The following ATP2B2 variants were observed in gnomAD, a reference collection of about 807,000 sequenced individuals.
ATP2B2 encodes the protein plasma membrane calcium-transporting ATPase 2.
In ATP2B2, 15 loss-of-function variants were observed where a neutral mutation model predicts 120.0. That is an observed-to-expected ratio of 0.12 (90% confidence interval 0.08 to 0.19). ATP2B2 has a LOEUF of 0.19. ATP2B2 is among the 10% of genes least tolerant of loss of function. The pLI is 1.00. For missense variants in ATP2B2, 1,045 were observed against 1,719.8 expected, an observed-to-expected ratio of 0.61 and a Z score of 6.94; for synonymous variants, 694 against 700.3, an observed-to-expected ratio of 0.99 and a Z score of 0.14.
At position 10,328,254 on chromosome 3, in the gene ATP2B2, A is replaced by T. The variant is rs2059895219; in HGVS notation, c.*560T>A. 6.5e-6 allele frequency: 1 copy of T among 154,114 alleles called. No homozygotes were observed. The highest frequency in any genetic ancestry group is 2.4e-5 in the African/African-American group (1 of 41,546). 9.5% of individuals were successfully genotyped at this position (154,114 alleles called of 1,614,324 possible). On this transcript the variant is annotated 3_prime_UTR_variant, in exon 23 of 23. Transcript: ENST00000360273. Reference sequence around the variant, plus strand: ...GAAGTTCTTCGGTTCCATTGGTGCAAATCTACTAGGCGAGTTAAGCTCTGC... The same window carrying T: ...GAAGTTCTTCGGTTCCATTGGTGCATATCTACTAGGCGAGTTAAGCTCTGC...
At position 10,387,226 on chromosome 3, in the gene ATP2B2, T is replaced by C. The variant is rs150408843; in HGVS notation, c.908-714A>G. ...CTTTACTCTCTCCAGCCTTCTAATT[T>C]CCCAGAACACAGCTCAGCCCCATTG... On this transcript the variant is annotated intron_variant, in intron 6 of 22. Coordinates refer to ENST00000360273, the MANE Select transcript of ATP2B2 (RefSeq NM_001001331.4). Among the ~76,000 whole-genome samples the C allele has an allele frequency of 8.0e-3, 1,217 of 152,330 alleles. 10 individuals carry two copies. Among genetic ancestry groups the C allele is most frequent in the Non-Finnish European group, 0.011 (743 of 68,024 alleles).
At chr3:10,475,141 T>C (rs1238717866) in intron 1 of ATP2B2, among the ~76,000 whole-genome samples, 1 of 152,154 alleles carries the variant, frequency 6.6e-6, no homozygotes, top group African/African-American at 2.4e-5. Flanking sequence ...CACTGAACAT[T>C]TGCTGAGCCT....
rs548238495 is a variant in ATP2B2 at position 10,448,147 on chromosome 3, T to C, written c.199+1198A>G. On this transcript the variant is annotated intron_variant, in intron 2 of 22. Transcript: ENST00000360273. The stretch of plus-strand genomic sequence containing the variant: ...ACTGGACAGAGGAGACAGGCTCCTT[T>C]TCTGTCATGAAGGATAACAGTTCAG... 4.6e-5 allele frequency among the ~76,000 whole-genome samples: 7 copies of C among 152,298 alleles called. No individual in the cohort carries two copies. In the South Asian group the frequency reaches 1.4e-3, roughly 32 times the overall value.
rs2063966749 is a variant in ATP2B2, at chr3:10,449,705, G to C, written c.-162C>G. On this transcript the variant is annotated 5_prime_UTR_variant, in exon 2 of 23. Coordinates refer to ENST00000360273, the MANE Select transcript of ATP2B2 (RefSeq NM_001001331.4). ...CGGGGGGTGGGGGTGGCCGAGGCGG[G>C]CTGGTGACAGTGGTGGTGAGCTCCA... 7.6e-6 allele frequency: 6 copies of C among 794,222 alleles called. No homozygotes were observed. The highest frequency in any genetic ancestry group is 8.5e-6 in the Non-Finnish European group (4 of 470,444). 49.2% of individuals were successfully genotyped at this position (794,222 alleles called of 1,614,324 possible).
At chr3:10,453,022 T>C (rs1333181762) in intron 1 of ATP2B2, among the ~76,000 whole-genome samples, 1 of 152,222 alleles carries the variant, frequency 6.6e-6, no homozygotes, top group African/African-American at 2.4e-5. Context: ...GGGCTACTGA[T>C]ATATAACATT....
chr3:10,625,804 T>C (rs1025413703), intron 1 of ATP2B2, among the ~76,000 whole-genome samples: 4 of 152,202 alleles, frequency 2.6e-5, no homozygotes, highest in African/African-American at 9.7e-5. Context: ...AGTCTGAGTT[T>C]AGTGCGCGTA....
chr3:10,646,657 C>T (rs184379296), intron 1 of ATP2B2, among the ~76,000 whole-genome samples: 1 of 152,264 alleles, frequency 6.6e-6, no homozygotes. Context: ...ATGACACTTG[C>T]TGACTACAGC....
chr3:10,561,991 A>G (rs977125372), intron 2 of ATP2B2, among the ~76,000 whole-genome samples: 26 of 152,202 alleles, frequency 1.7e-4, no homozygotes, highest in African/African-American at 6.3e-4. Context: ...GAAGAAGACC[A>G]CCCAGCATCT....
At chr3:10,377,698 C>A (rs962551359) in intron 10 of ATP2B2, among the ~76,000 whole-genome samples, 1 of 152,230 alleles carries the variant, frequency 6.6e-6, no homozygotes, top group Non-Finnish European at 1.5e-5. Flanking sequence ...TCAGTTTTTC[C>A]TCTGCACTGT....
chr3:10,396,316 T>C (rs1377884314), intron 5 of ATP2B2, among the ~76,000 whole-genome samples: 1 of 152,234 alleles, frequency 6.6e-6, no homozygotes, highest in Non-Finnish European at 1.5e-5. Context: ...AGCTTCCCCA[T>C]TGCACTGACA....
intron 2 of ATP2B2, among the ~76,000 whole-genome samples, chr3:10,595,505 ACCC>A (rs2068745048): frequency 6.6e-6 from 1 of 152,214 alleles, no homozygotes; most frequent in South Asian, 2.1e-4. Context: ...ATAAACTATT[ACCC>A]TCACGGTGCA....
chr3:10,385,400 C>G, intron 7 of ATP2B2, 73 bp from the exon 8 acceptor site: 2 of 1,339,768 alleles, frequency 1.5e-6, no homozygotes, highest in Non-Finnish European at 2.1e-6. Flanking sequence ...AGACATGAAC[C>G]AACTTGTGGG....
At chr3:10,556,139 A>T (rs2067773612) in intron 2 of ATP2B2, among the ~76,000 whole-genome samples, 1 of 152,144 alleles carries the variant, frequency 6.6e-6, no homozygotes, top group Non-Finnish European at 1.5e-5. Flanking sequence ...ACCTGAAGTG[A>T]TCTGCCCTCC....
chr3:10,566,473 T>C, intron 2 of ATP2B2: 1 of 152,178 alleles, frequency 6.6e-6, no homozygotes, highest in Non-Finnish European at 1.5e-5. Flanking sequence ...ATGCCCCAAC[T>C]GTAATAAAGA....
chr3:10,477,298 G>A (rs921503486), intron 1 of ATP2B2, among the ~76,000 whole-genome samples: 3 of 152,144 alleles, frequency 2.0e-5, no homozygotes, highest in Admixed American at 1.3e-4. Flanking sequence ...TTCTGCGTTC[G>A]CTCTGGAAGT....
chr3:10,363,113 A>G (rs753886517), intron 12 of ATP2B2, among the ~76,000 whole-genome samples: 37 of 152,232 alleles, frequency 2.4e-4, no homozygotes, highest in Non-Finnish European at 4.7e-4. Flanking sequence ...ATTTTCCTCT[A>G]AAAGGATTTC....
At chr3:10,412,116 C>A (rs1167866720) in intron 2 of ATP2B2, among the ~76,000 whole-genome samples, 2 of 152,246 alleles carry the variant, frequency 1.3e-5, no homozygotes, top group Non-Finnish European at 2.9e-5. Context: ...CAGAGCCAGG[C>A]CAGCACTTTG....
chr3:10,639,046 G>A lies in ATP2B2; in HGVS notation c.-459-19085C>T, dbSNP rs375933110. 8.5e-5 allele frequency among the ~76,000 whole-genome samples: 13 copies of A among 152,282 alleles called. No homozygotes were observed. In the South Asian group the frequency reaches 1.2e-3, roughly 15 times the overall value. On this transcript the variant is annotated intron_variant, in intron 1 of 21. Transcript: ENST00000646379. ...TCTCCCTCAATAATTGATAGAACAA[G>A]GGACAGAACTATTGGGGTAAACGTT...
At chr3:10,390,682 G>A (rs2061823232) in intron 5 of ATP2B2, among the ~76,000 whole-genome samples, 1 of 152,188 alleles carries the variant, frequency 6.6e-6, no homozygotes, top group South Asian at 2.1e-4. Flanking sequence ...CACAGAGGGG[G>A]TGTGCGGAAC....
Sources: gnomAD v4.1 joint callset for allele counts (sites outside exome capture counted in the v4.1 genomes callset) on GRCh38, gnomAD v4.1.1 for gene constraint, MANE v1.5 for transcripts, NCBI Gene and HGNC (gene_info 2026-07-23, HGNC 2026-07-21) for gene names.